Variants in TTLL8 observed in about 807,000 individuals in gnomAD.
TTLL8 encodes the protein protein monoglycylase TTLL8.
TTLL8 carries 65 observed loss-of-function variants against 77.8 expected under a neutral mutation model. The ratio of observed to expected loss-of-function variants is 0.84; its 90% CI spans 0.68 to 1.03. The LOEUF (loss-of-function observed/expected upper bound fraction) is 1.03. Ranked by LOEUF, TTLL8 falls within the 50% of genes least tolerant of loss-of-function variation. The probability of loss-of-function intolerance (pLI) is 0.00; values close to 1 mark genes in which losing one functional copy is unlikely to be tolerated. For missense variants in TTLL8, 910 were observed against 1,004.5 expected (o/e 0.91, Z 1.27); for synonymous variants, 402 against 422.8 (o/e 0.95, Z 0.60).
intron 6 of TTLL8, among the ~76,000 whole-genome samples, chr22:50,043,589 GGATA>G (rs1480135079): frequency 4.6e-5 from 7 of 151,958 alleles, no homozygotes; most frequent in Admixed American, 4.6e-4. Flanking sequence ...TTCGGTAGAT[GGATA>G]GATAGATAAA....
chr22:50,028,441 C>A (rs780395952), intron 12 of TTLL8, among the ~76,000 whole-genome samples: 2 of 152,204 alleles, frequency 1.3e-5, no homozygotes, highest in Non-Finnish European at 1.5e-5. Context: ...ATGTGCCCTG[C>A]GGGCCATAGC....
At chr22:50,033,349 A>T (rs1569225273) in exon 10 of TTLL8, 1 of 1,365,340 alleles carries the variant, frequency 7.3e-7, no homozygotes, top group Non-Finnish European at 9.8e-7. Flanking sequence ...CGGCGTCTCG[A>T]TGTACTTCTG....
chr22:50,036,807 A>C (rs887560153), intron 8 of TTLL8, among the ~76,000 whole-genome samples: 7 of 151,928 alleles, frequency 4.6e-5, no homozygotes, highest in Admixed American at 4.6e-4. Context: ...CATTTTTGCC[A>C]GGCTGGTCTC....
At chr22:50,032,439 C>T (rs1447997707) in intron 10 of TTLL8, among the ~76,000 whole-genome samples, 2 of 152,234 alleles carry the variant, frequency 1.3e-5, no homozygotes, top group African/African-American at 4.8e-5. Context: ...TCCAGGCCCA[C>T]TTGACCAGAG....
intron 4 of TTLL8, among the ~76,000 whole-genome samples, chr22:50,046,325 A>T (rs2061411293): frequency 6.6e-6 from 1 of 152,050 alleles, no homozygotes; most frequent in South Asian, 2.1e-4. Context: ...CACACCTCAG[A>T]CCCCAGGAGA....
intron 1 of TTLL8, among the ~76,000 whole-genome samples, chr22:50,054,233 C>A (rs143231366): frequency 3.9e-4 from 60 of 152,298 alleles, no homozygotes; most frequent in African/African-American, 1.2e-3. Flanking sequence ...ACAAAGAAAG[C>A]CGCCTTTCCC....
chr22:50,030,187 C>T (rs1411067348), intron 12 of TTLL8: 4 of 985,286 alleles, frequency 4.1e-6, no homozygotes, highest in African/African-American at 1.7e-5. Flanking sequence ...CAGAGGGGAC[C>T]CCACCATCCA....
At chr22:50,028,328 G>C (rs954216391) in intron 12 of TTLL8, among the ~76,000 whole-genome samples, 2 of 152,240 alleles carry the variant, frequency 1.3e-5, no homozygotes, top group Non-Finnish European at 2.9e-5. Context: ...CATTGCTTAC[G>C]GCAACACTGC....
At chr22:50,039,026 TTTC>T (rs1299799221) in intron 8 of TTLL8, among the ~76,000 whole-genome samples, 2 of 152,246 alleles carry the variant, frequency 1.3e-5, no homozygotes, top group Non-Finnish European at 2.9e-5. Context: ...TGATGTATTA[TTTC>T]ATTCACATTT....
chr22:50,029,604 G>A (rs531911434), intron 12 of TTLL8, among the ~76,000 whole-genome samples: 78 of 152,266 alleles, frequency 5.1e-4, no homozygotes, highest in Non-Finnish European at 9.1e-4. Context: ...GGTGGCGGGC[G>A]CCTGTGGTCC....
At position 50,030,977 on chromosome 22, in the gene TTLL8, G is replaced by T. The variant is rs1003806848; in HGVS notation, c.1708-52C>A. 1.0e-5 allele frequency: 13 copies of T among 1,288,848 alleles called. No individual in the cohort carries two copies. The African/African-American group carries it at 1.2e-4, about 12-fold the overall frequency. The allele number at this position is 1,288,848 out of a possible 1,614,324, so 79.8% of individuals were successfully genotyped here. A position where few individuals can be genotyped will look rare whatever the true frequency, so the allele number is the denominator to read the frequency against. On this transcript the variant is annotated intron_variant, in intron 11 of 13. Transcript: ENST00000266182. ...CTGGGCTGTGGCCGGGATAGGGGGG[G>T]TCCCTGCAGGAGGGGTCTGTGCAGG...
At position 50,035,000 on chromosome 22, in the gene TTLL8, G is replaced by T. The variant is rs2061326011; in HGVS notation, c.922-538C>A. ...GCATCATTCTGACTCAAGACCCTTT[G>T]CAGTCACGGGCTAGACTCAGGAAAT... On this transcript the variant is annotated intron_variant, in intron 8 of 13. Transcript: ENST00000266182. The surrounding 1 kb of genome is among the most constrained non-coding windows in gnomAD (Gnocchi z 4.1). 6.6e-6 allele frequency among the ~76,000 whole-genome samples: 1 copy of T among 152,226 alleles called. No individual in the cohort carries two copies. The highest frequency in any genetic ancestry group is 1.5e-5 in the Non-Finnish European group (1 of 68,042).
At chr22:50,039,149 C>G (rs2146667503) in intron 8 of TTLL8, among the ~76,000 whole-genome samples, 1 of 152,196 alleles carries the variant, frequency 6.6e-6, no homozygotes, top group South Asian at 2.1e-4. Context: ...GTTTTGATAT[C>G]AGGCTTTTCT....
At chr22:50,033,341 G>A (rs575492422) in exon 10 of TTLL8, 39 of 1,365,210 alleles carry the variant, frequency 2.9e-5, no homozygotes, top group Non-Finnish European at 3.1e-5. Flanking sequence ...ATGAGCAGCG[G>A]CGTCTCGATG....
intron 8 of TTLL8, among the ~76,000 whole-genome samples, chr22:50,040,929 AG>A (rs1323284419): frequency 6.6e-6 from 1 of 152,168 alleles, no homozygotes; most frequent in Non-Finnish European, 1.5e-5. Flanking sequence ...GGCCCTCAGC[AG>A]GGGGCAAGAA....
At chr22:50,024,287 C>A (rs1219962781) in intron 12 of TTLL8, among the ~76,000 whole-genome samples, 1 of 152,046 alleles carries the variant, frequency 6.6e-6, no homozygotes, top group African/African-American at 2.4e-5. Flanking sequence ...CAGGTGCCTG[C>A]CACCATGCCT....
chr22:50,041,932 A>G lies in TTLL8; in HGVS notation c.644-125T>C, dbSNP rs77808433. 2,829 of 852,912 alleles carry G rather than the reference A, an allele frequency of 3.3e-3. 191 individuals carry two copies. In the Admixed American group the frequency reaches 0.091, roughly 27 times the overall value. 52.8% of individuals were successfully genotyped at this position (852,912 alleles called of 1,614,324 possible). ...CACTCCCTCTGTGCCCCAATACCCA[A>G]CAAGTATCCCAGATCCCCAGACAGG... is the stretch of plus-strand genomic sequence containing the variant. On this transcript the variant is annotated intron_variant, in intron 6 of 13. Transcript: ENST00000266182. The surrounding 1 kb of genome is among the most constrained non-coding windows in gnomAD (Gnocchi z 4.3).
intron 8 of TTLL8, among the ~76,000 whole-genome samples, chr22:50,036,263 T>C (rs2061335824): frequency 6.6e-6 from 1 of 152,208 alleles, no homozygotes. Flanking sequence ...CCCACCCTCC[T>C]GACATGGTTT....
At chr22:50,020,816 T>C (rs1248693000) in intron 12 of TTLL8, among the ~76,000 whole-genome samples, 2 of 147,316 alleles carry the variant, frequency 1.4e-5, no homozygotes, top group Admixed American at 1.3e-4. Flanking sequence ...CACTCCTCCA[T>C]CTGACGTGCA....
Sources: allele counts gnomAD v4.1 joint callset (sites outside exome capture counted in the v4.1 genomes callset), GRCh38; gene constraint gnomAD v4.1.1; non-coding constraint Gnocchi (gnomAD v3.1); transcripts MANE v1.5; gene names NCBI Gene and HGNC (gene_info 2026-07-23, HGNC 2026-07-21).